Variants in CFH observed in about 807,000 individuals in gnomAD.
The protein encoded by CFH is complement factor H, also known as H factor 1 (complement).
In CFH, 53 loss-of-function variants were observed where a neutral mutation model predicts 147.3. The observed-to-expected ratio is 0.36, with a 90% CI of 0.29 to 0.45. The LOEUF is 0.45. CFH is among the 20% of genes least tolerant of loss of function. The pLI is 1.00. For missense variants in CFH, 1,380 were observed against 1,498.0 expected (o/e 0.92, Z 1.30); for synonymous variants, 536 against 489.4 (o/e 1.10, Z -1.26).
chr1:196,725,034 C>A, intron 11 of CFH, 87 bp from the exon 12 acceptor site: 2 of 1,144,026 alleles, frequency 1.7e-6, no homozygotes, highest in South Asian at 1.4e-5. Flanking sequence ...GACCCAATAT[C>A]AACCTCACTT....
chr1:196,731,188 T>C (rs1036487548), intron 15 of CFH, among the ~76,000 whole-genome samples: 6 of 151,894 alleles, frequency 4.0e-5, no homozygotes, highest in Non-Finnish European at 7.4e-5. Flanking sequence ...GATGACTTTC[T>C]GTAGCCATAT....
chr1:196,725,225 T>C lies in CFH; in HGVS notation c.1801T>C (p.Phe601Leu). The change falls in exon 12 of 22, where the codon TTT (phenylalanine) becomes CTT (leucine). Residue 601 changes from phenylalanine (F) to leucine (L), a missense_variant. This residue lies in a region of CFH where 830 missense variants were observed against 821.4 expected (regional missense o/e 1.01). Transcript: ENST00000367429. ...EVLKFSCKPG[F>L]TIVGPNSVQC... is the part of the protein sequence containing the mutation. ...GTTGAAATTCTCCTGCAAACCAGGA[T>C]TTACAATAGTTGGACCTAATTCCGT... 1 of 1,613,956 alleles carries C rather than the reference T, an allele frequency of 6.2e-7. No individual in the cohort carries two copies. The highest frequency in any genetic ancestry group is 8.5e-7 in the Non-Finnish European group (1 of 1,179,884).
At chr1:196,672,445 G>A (rs1184047953) in intron 1 of CFH, among the ~76,000 whole-genome samples, 1 of 152,088 alleles carries the variant, frequency 6.6e-6, no homozygotes, top group Admixed American at 6.6e-5. Context: ...TATTTGGAGT[G>A]CCTGTATAAT....
At chr1:196,696,216 C>T (rs1338296399) in intron 9 of CFH, among the ~76,000 whole-genome samples, 1 of 152,050 alleles carries the variant, frequency 6.6e-6, no homozygotes, top group Admixed American at 6.6e-5. Flanking sequence ...GGAAGTAAAA[C>T]ACTCCCCAGC....
chr1:196,670,109 A>T (rs955851746), intron 1 of CFH, among the ~76,000 whole-genome samples: 1 of 152,152 alleles, frequency 6.6e-6, no homozygotes, highest in African/African-American at 2.4e-5. Flanking sequence ...TAGCCAATTC[A>T]TCCCATTTGG....
intron 9 of CFH, among the ~76,000 whole-genome samples, chr1:196,705,007 A>G (rs1210610172): frequency 2.0e-5 from 3 of 152,214 alleles, no homozygotes; most frequent in African/African-American, 4.8e-5. Flanking sequence ...CTCTGACACT[A>G]AAGCTAAATG....
chr1:196,656,798 T>A (rs1321159956), intron 1 of CFH, among the ~76,000 whole-genome samples: 1 of 151,262 alleles, frequency 6.6e-6, no homozygotes, highest in African/African-American at 2.4e-5. Context: ...GCTATTCAAA[T>A]ACACATTTCA....
At chr1:196,730,824 T>C (rs1053773556) in intron 15 of CFH, among the ~76,000 whole-genome samples, 2 of 151,838 alleles carry the variant, frequency 1.3e-5, no homozygotes, top group Non-Finnish European at 3.0e-5. Flanking sequence ...CCACTATCAT[T>C]ATATAATAAC....
intron 15 of CFH, among the ~76,000 whole-genome samples, chr1:196,733,818 G>C (rs1337459963): frequency 6.6e-6 from 1 of 152,078 alleles, no homozygotes; most frequent in African/African-American, 2.4e-5. Context: ...AGAAGTGCCT[G>C]ATGCAAGTTC....
At chr1:196,701,278 C>G (rs1370007546) in intron 9 of CFH, 4 of 1,613,420 alleles carry the variant, frequency 2.5e-6, no homozygotes, top group Middle Eastern at 1.6e-4. Flanking sequence ...TCTCAGCAAG[C>G]CTAACTCAGG....
intron 9 of CFH, among the ~76,000 whole-genome samples, chr1:196,694,070 G>T (rs531221400): frequency 1.3e-5 from 2 of 151,502 alleles, no homozygotes; most frequent in East Asian, 3.9e-4. Flanking sequence ...CGTGTGCCAT[G>T]GTGGTTTGCT....
chr1:196,652,627 T>C lies in CFH; in HGVS notation c.58+452T>C, dbSNP rs141918508. Among the ~76,000 whole-genome samples, 59 of 151,978 alleles carry C rather than the reference T, an allele frequency of 3.9e-4. No individual in the cohort carries two copies. In the East Asian group the frequency reaches 6.0e-3, roughly 15 times the overall value. ...CTCTTCCTAAATAAAAATTCATTTA[T>C]CATTTACAACTGATATTGTCATGAC... On this transcript the variant is annotated intron_variant, in intron 1 of 21. Coordinates refer to ENST00000367429, the MANE Select transcript of CFH (RefSeq NM_000186.4).
intron 11 of CFH, 119 bp downstream of exon 11, chr1:196,715,888 T>C: frequency 1.2e-6 from 1 of 817,544 alleles, no homozygotes; most frequent in Non-Finnish European, 1.9e-6. Context: ...TCAAGATATC[T>C]CCTGATTTGA....
In CFH at chr1:196,707,166, C is replaced by G. The variant is rs1668609639; in HGVS notation, c.1337-6569C>G. Among the ~76,000 whole-genome samples, 2 of 152,020 alleles carry G rather than the reference C, an allele frequency of 1.3e-5. 1 individual carries two copies. The highest frequency in any genetic ancestry group is 4.1e-4 in the South Asian group (2 of 4,828). The stretch of plus-strand genomic sequence containing the variant: ...AAAAGATAAATCATACTATATAAAA[C>G]AAAACAAATTTTAGCTAAGATTTGC... On this transcript the variant is annotated intron_variant, in intron 9 of 21. Transcript: ENST00000367429.
chr1:196,697,722 A>G (rs2149094287), intron 9 of CFH, among the ~76,000 whole-genome samples: 2 of 152,220 alleles, frequency 1.3e-5, no homozygotes, highest in African/African-American at 4.8e-5. Context: ...TTATTGCGGC[A>G]CTATTCACAA....
chr1:196,731,536 C>T (rs1202745304), intron 15 of CFH, among the ~76,000 whole-genome samples: 1 of 151,984 alleles, frequency 6.6e-6, no homozygotes, highest in African/African-American at 2.4e-5. Context: ...TTACCCATCA[C>T]TATTACAGTA....
At chr1:196,655,930 C>G (rs757425387) in intron 1 of CFH, among the ~76,000 whole-genome samples, 8 of 152,190 alleles carry the variant, frequency 5.3e-5, no homozygotes, top group Non-Finnish European at 8.8e-5. Context: ...TTTGACAGAA[C>G]ACTTTTATTT....
intron 10 of CFH, 86 bp downstream of exon 10, chr1:196,714,003 A>C (rs1276591806): frequency 8.2e-7 from 1 of 1,215,328 alleles, no homozygotes; most frequent in East Asian, 2.4e-5. Flanking sequence ...GGCTGATATA[A>C]TTTCATTTGA....
chr1:196,727,843 T>C (rs903020601), intron 14 of CFH, among the ~76,000 whole-genome samples: 3 of 152,184 alleles, frequency 2.0e-5, no homozygotes, highest in African/African-American at 7.2e-5. Flanking sequence ...GTAAATCTCA[T>C]TGACGGACTT....
Sources: allele counts gnomAD v4.1 joint callset (sites outside exome capture counted in the v4.1 genomes callset), GRCh38; gene constraint gnomAD v4.1.1; regional missense constraint gnomAD v4.1.1; transcripts MANE v1.5; gene names NCBI Gene and HGNC (gene_info 2026-07-23, HGNC 2026-07-21).